SH3GL2: variants seen among roughly 807,000 people sequenced by gnomAD.
SH3GL2 encodes the protein SH3 domain containing GRB2 like 2, endophilin A1.
SH3GL2 carries 24 observed loss-of-function variants against 46.0 expected under a neutral mutation model. The observed-to-expected ratio is 0.52, with a 90% CI of 0.38 to 0.73. SH3GL2 has a LOEUF of 0.73. Among genes scored for constraint, SH3GL2 ranks in the 30% least tolerant of loss-of-function variants. SH3GL2 has a pLI of 0.00. For synonymous variants in SH3GL2, 196 were observed against 147.1 expected (o/e 1.33, Z -2.40); for missense variants, 413 against 424.2 (o/e 0.97, Z 0.23).
chr9:17,671,302 ATT>A (rs57118518), intron 1 of SH3GL2, among the ~76,000 whole-genome samples: 4 of 151,100 alleles, frequency 2.6e-5, no homozygotes, highest in South Asian at 4.2e-4. Flanking sequence ...ACAATGAGGA[ATT>A]TTTTTTTTAA....
chr9:17,658,191 G>C (rs189547950), intron 1 of SH3GL2, among the ~76,000 whole-genome samples: 3 of 152,212 alleles, frequency 2.0e-5, no homozygotes, highest in African/African-American at 7.2e-5. Context: ...CTTTTGGACA[G>C]TCATTAATAA....
intron 1 of SH3GL2, among the ~76,000 whole-genome samples, chr9:17,619,260 A>G (rs545561429): frequency 5.6e-4 from 86 of 152,310 alleles, no homozygotes; most frequent in African/African-American, 2.0e-3. Context: ...TGCTGTGTGT[A>G]CATGGATGTA....
At chr9:17,736,488 T>C (rs188172310) in intron 1 of SH3GL2, among the ~76,000 whole-genome samples, 198 of 152,222 alleles carry the variant, frequency 1.3e-3, no homozygotes, top group Non-Finnish European at 2.8e-4. Context: ...CATATCTCTT[T>C]CTTATTGTTA....
At chr9:17,637,627 G>A (rs1005252538) in intron 1 of SH3GL2, among the ~76,000 whole-genome samples, 9 of 152,140 alleles carry the variant, frequency 5.9e-5, no homozygotes, top group African/African-American at 2.2e-4. Flanking sequence ...TGTTTCTTTT[G>A]TTTACTAGCC....
chr9:17,774,108 A>T (rs1002768519), intron 3 of SH3GL2, among the ~76,000 whole-genome samples: 1 of 152,030 alleles, frequency 6.6e-6, no homozygotes, highest in Non-Finnish European at 1.5e-5. Context: ...GTTCGTTGTC[A>T]GTGTATAGAA....
At chr9:17,692,856 C>G (rs1396852015) in intron 1 of SH3GL2, among the ~76,000 whole-genome samples, 4 of 152,036 alleles carry the variant, frequency 2.6e-5, no homozygotes, top group Admixed American at 6.6e-5. Flanking sequence ...AGGTAAAAGG[C>G]ACTTCTAACA....
At chr9:17,591,259 C>T (rs1818477020) in intron 1 of SH3GL2, 1 of 152,068 alleles carries the variant, frequency 6.6e-6, no homozygotes, top group Non-Finnish European at 1.5e-5. Flanking sequence ...TTTTGTGAAA[C>T]AGTGAGTTAT....
rs1186677637 is a variant in SH3GL2, at chr9:17,795,707, C to A, written c.1023C>A (p.Ile341=). Residue 341 remains isoleucine, a synonymous_variant, in exon 9 of 9, where the codon ATC becomes ATA. Coordinates refer to ENST00000380607, the MANE Select transcript of SH3GL2 (RefSeq NM_003026.5). ...MLHGHSGFFP[I]NYVEILVALP... ...ATGGCCATTCAGGCTTCTTCCCCAT[C>A]AATTATGTGGAAATTCTGGTTGCCC... is the stretch of plus-strand genomic sequence containing the variant. The A allele has an allele frequency of 6.2e-7, 1 of 1,613,950 alleles. No individual in the cohort carries two copies. The highest frequency in any genetic ancestry group is 2.2e-5 in the East Asian group (1 of 44,820).
intron 1 of SH3GL2, among the ~76,000 whole-genome samples, chr9:17,666,650 C>T (rs900603235): frequency 6.6e-6 from 1 of 151,172 alleles, no homozygotes; most frequent in African/African-American, 2.4e-5. Context: ...GCTTATTCAG[C>T]CAGTTTTCTA....
chr9:17,747,006 C>G (rs1459864279), intron 1 of SH3GL2, 60 bp from the exon 2 acceptor site: 2 of 1,175,118 alleles, frequency 1.7e-6, no homozygotes, highest in East Asian at 2.5e-5. Flanking sequence ...CTTAAAATTT[C>G]TAACACATTT....
rs993694867 is a variant in SH3GL2, at chr9:17,796,452, C to T, written c.*709C>T. Reference sequence around the variant, plus strand: ...TTGTGAGAGGGACTGAAAAGAAATTCTCCATTATGAGGAATTGGGAAGAAA... The same window carrying T: ...TTGTGAGAGGGACTGAAAAGAAATTTTCCATTATGAGGAATTGGGAAGAAA... On this transcript the variant is annotated 3_prime_UTR_variant, in exon 9 of 9. Transcript: ENST00000380607. 15 of 152,060 alleles carry T rather than the reference C, an allele frequency of 9.9e-5. No homozygotes were observed. The highest frequency in any genetic ancestry group is 1.5e-5 in the Non-Finnish European group (1 of 68,036). 9.4% of individuals were successfully genotyped at this position (152,060 alleles called of 1,614,324 possible).
chr9:17,690,775 G>T (rs1210418973), intron 1 of SH3GL2, among the ~76,000 whole-genome samples: 1 of 152,058 alleles, frequency 6.6e-6, no homozygotes, highest in East Asian at 2.0e-4. Flanking sequence ...TACAAAGGCT[G>T]AAGAACTCAT....
intron 1 of SH3GL2, among the ~76,000 whole-genome samples, chr9:17,738,017 G>T (rs1252546313): frequency 1.3e-5 from 2 of 151,884 alleles, no homozygotes; most frequent in Non-Finnish European, 2.9e-5. Context: ...TGTCCATGAG[G>T]GTATTCTGTA....
chr9:17,771,455 C>T (rs555068345), intron 3 of SH3GL2, among the ~76,000 whole-genome samples: 13 of 152,244 alleles, frequency 8.5e-5, no homozygotes, highest in African/African-American at 2.4e-4. Flanking sequence ...CCTCCCTGGG[C>T]AAGGTCTTTA....
At chr9:17,638,417 T>G (rs148843006) in intron 1 of SH3GL2, among the ~76,000 whole-genome samples, 20 of 152,320 alleles carry the variant, frequency 1.3e-4, no homozygotes, top group Admixed American at 3.3e-4. Flanking sequence ...TACCTGTATC[T>G]TACTTACAGT....
At chr9:17,647,880 A>G (rs1588203514) in intron 1 of SH3GL2, among the ~76,000 whole-genome samples, 1 of 152,128 alleles carries the variant, frequency 6.6e-6, no homozygotes, top group East Asian at 1.9e-4. Context: ...ATTTTCTTCC[A>G]CCTCTGCCAC....
intron 2 of SH3GL2, among the ~76,000 whole-genome samples, chr9:17,759,780 C>G (rs1588309138): frequency 6.6e-6 from 1 of 152,102 alleles, no homozygotes; most frequent in South Asian, 2.1e-4. Context: ...CTATGGCACT[C>G]TTTTTTAGAA....
intron 1 of SH3GL2, among the ~76,000 whole-genome samples, chr9:17,643,332 A>C (rs543765055): frequency 6.6e-6 from 1 of 152,210 alleles, no homozygotes; most frequent in Non-Finnish European, 1.5e-5. Flanking sequence ...TGTCATCTGC[A>C]GACAATAGTT....
At chr9:17,739,672 A>G (rs1318360305) in intron 1 of SH3GL2, among the ~76,000 whole-genome samples, 1 of 152,180 alleles carries the variant, frequency 6.6e-6, no homozygotes, top group African/African-American at 2.4e-5. Context: ...CTGTAAGGCA[A>G]AAACAGGAAA....
Sources: gnomAD v4.1 joint callset for allele counts (sites outside exome capture counted in the v4.1 genomes callset) on GRCh38, gnomAD v4.1.1 for gene constraint, MANE v1.5 for transcripts, NCBI Gene and HGNC (gene_info 2026-07-23, HGNC 2026-07-21) for gene names.